The following TPD52L2 variants were observed in gnomAD, a reference collection of about 807,000 sequenced individuals.
TPD52L2 encodes TPD52 like 2, also known as tumor protein D54.
In TPD52L2, 19 loss-of-function variants were observed where a neutral mutation model predicts 24.7. That is an observed-to-expected ratio of 0.77 (90% CI 0.54 to 1.13). The LOEUF (loss-of-function observed/expected upper bound fraction) is 1.13, where lower values mean the gene tolerates loss of function less well. Ranked by LOEUF, TPD52L2 falls within the 50% of genes most tolerant of loss-of-function variation. The pLI is 0.00. For synonymous variants in TPD52L2, 104 were observed against 100.2 expected (o/e 1.04, Z -0.23); for missense variants, 236 against 250.4 (o/e 0.94, Z 0.39).
At chr20:63,887,196 T>G in intron 5 of TPD52L2, 6 of 369,722 alleles carry the variant, frequency 1.6e-5, no homozygotes, top group Middle Eastern at 8.9e-4. Context: ...CAATCTGTGA[T>G]TTCTTGTGTT....
rs1210657192 is a variant in TPD52L2, at chr20:63,869,067, C to T, written c.20-229C>T. Among the ~76,000 whole-genome samples, 4 of 152,178 alleles carry T rather than the reference C, an allele frequency of 2.6e-5. 1 individual carries two copies. Among genetic ancestry groups the T allele is most frequent in the Non-Finnish European group, 5.9e-5 (4 of 68,038 alleles). Reference sequence around the variant, plus strand: ...TTGCCTGCCTTGGGCCGGCATTTGTCGTGCCCTGAAGCAGCACAAGTGGCA... The same window carrying T: ...TTGCCTGCCTTGGGCCGGCATTTGTTGTGCCCTGAAGCAGCACAAGTGGCA... On this transcript the variant is annotated intron_variant, in intron 1 of 6. Coordinates refer to ENST00000346249, the MANE Select transcript of TPD52L2 (RefSeq NM_003288.4).
intron 4 of TPD52L2, among the ~76,000 whole-genome samples, chr20:63,881,316 C>A (rs1372361073): frequency 1.3e-5 from 2 of 151,170 alleles, no homozygotes; most frequent in Non-Finnish European, 2.9e-5. Context: ...GCTGAAATTG[C>A]ACCACTGCCC....
chr20:63,869,458 G>A lies in TPD52L2; in HGVS notation c.165+17G>A, dbSNP rs375514961. On this transcript the variant is annotated intron_variant, in intron 2 of 6. Transcript: ENST00000346249. ...CTTACCAAGGTGCTGTGGCTTGGCTGTCTGTCCTGGGGTGAATTGGAGTTA... is the reference window on the plus strand; with the variant it reads ...CTTACCAAGGTGCTGTGGCTTGGCTATCTGTCCTGGGGTGAATTGGAGTTA... The A allele has an allele frequency of 8.1e-6, 13 of 1,613,460 alleles. No individual in the cohort carries two copies. The African/African-American group carries it at 1.6e-4, about 20-fold the overall frequency.
intron 2 of TPD52L2, among the ~76,000 whole-genome samples, chr20:63,871,431 C>T (rs909043172): frequency 4.0e-5 from 6 of 151,868 alleles, no homozygotes; most frequent in African/African-American, 1.5e-4. Context: ...CTCACTGCAG[C>T]CTCCACCTCC....
intron 5 of TPD52L2, chr20:63,885,988 C>T (rs1047296628): frequency 1.2e-6 from 2 of 1,614,020 alleles, no homozygotes; most frequent in Admixed American, 1.7e-5. Context: ...CACTTCGTTT[C>T]CTCTTCTCTC....
Position 63,889,984 on chromosome 20 carries a change from C to T in TPD52L2, c.*39C>T, listed in dbSNP as rs753738975. On this transcript the variant is annotated 3_prime_UTR_variant, in exon 7 of 7. Transcript: ENST00000346249. ...TCACCCGCTGCAGAGCACACGCAACCCAGCCTCAGCATCACAGCCGCAGCT... is the reference window on the plus strand; with the variant it reads ...TCACCCGCTGCAGAGCACACGCAACTCAGCCTCAGCATCACAGCCGCAGCT... 1 of 1,612,122 alleles carries T rather than the reference C, an allele frequency of 6.2e-7. No homozygotes were observed.
intron 1 of TPD52L2, 48 bp downstream of exon 1, chr20:63,865,432 C>T (rs1176712410): frequency 6.7e-7 from 1 of 1,500,160 alleles, no homozygotes; most frequent in South Asian, 1.2e-5. Flanking sequence ...CCAGGCTGCC[C>T]GTTGTTCTCC....
At chr20:63,886,391 T>A (rs4809242) in intron 5 of TPD52L2, among the ~76,000 whole-genome samples, 2 of 151,530 alleles carry the variant, frequency 1.3e-5, no homozygotes, top group African/African-American at 4.8e-5. Context: ...GACGGAGTCT[T>A]GCTCTGTCGC....
At chr20:63,884,814 A>G (rs1346432346) in intron 5 of TPD52L2, among the ~76,000 whole-genome samples, 1 of 152,094 alleles carries the variant, frequency 6.6e-6, no homozygotes, top group Non-Finnish European at 1.5e-5. Flanking sequence ...GCGGGGCCTC[A>G]GGCTGACCTG....
intron 4 of TPD52L2, among the ~76,000 whole-genome samples, chr20:63,878,605 G>A (rs1455326031): frequency 6.6e-6 from 1 of 152,204 alleles, no homozygotes; most frequent in East Asian, 1.9e-4. Flanking sequence ...TGCGGCCTTG[G>A]AGGTGGTGTG....
chr20:63,875,156 T>A (rs868074484), intron 3 of TPD52L2, among the ~76,000 whole-genome samples: 233 of 146,570 alleles, frequency 1.6e-3, no homozygotes, highest in African/African-American at 2.9e-3. Context: ...AAAAAAAATA[T>A]ATATATATAT....
At chr20:63,871,822 C>T (rs1207181343) in intron 2 of TPD52L2, among the ~76,000 whole-genome samples, 5 of 151,904 alleles carry the variant, frequency 3.3e-5, no homozygotes, top group South Asian at 2.1e-4. Flanking sequence ...TTGGTAGAGA[C>T]GGCCTTTCAT....
At chr20:63,879,536 C>T (rs1175226608) in intron 4 of TPD52L2, among the ~76,000 whole-genome samples, 1 of 152,196 alleles carries the variant, frequency 6.6e-6, no homozygotes, top group Non-Finnish European at 1.5e-5. Flanking sequence ...CGGGCACAGG[C>T]GGTTGTTTTC....
intron 2 of TPD52L2, among the ~76,000 whole-genome samples, chr20:63,872,189 C>A (rs2052493636): frequency 6.6e-6 from 1 of 151,966 alleles, no homozygotes; most frequent in Admixed American, 6.6e-5. Context: ...AGGTTTGGAA[C>A]TGACCTCAGG....
At chr20:63,885,611 C>G (rs945732514) in intron 5 of TPD52L2, among the ~76,000 whole-genome samples, 1 of 152,246 alleles carries the variant, frequency 6.6e-6, no homozygotes, top group Non-Finnish European at 1.5e-5. Context: ...GCTGGCCAAG[C>G]CCAGCTGTCA....
At chr20:63,887,542 C>A in intron 5 of TPD52L2, 3 of 1,613,312 alleles carry the variant, frequency 1.9e-6, no homozygotes, top group Non-Finnish European at 1.7e-6. Flanking sequence ...TCCTTCTCTG[C>A]TTCTGCCATG....
intron 4 of TPD52L2, among the ~76,000 whole-genome samples, chr20:63,879,291 C>A (rs1057265260): frequency 6.6e-6 from 1 of 152,178 alleles, no homozygotes; most frequent in Non-Finnish European, 1.5e-5. Flanking sequence ...GCTGTGGGGC[C>A]CCCAGGGGCT....
chr20:63,869,246 C>T (rs777571199), intron 1 of TPD52L2, 50 bp from the exon 2 acceptor site: 3 of 1,609,030 alleles, frequency 1.9e-6, no homozygotes, highest in Non-Finnish European at 2.6e-6. Flanking sequence ...ACCGTATTTA[C>T]TTGGAACTAA....
Position 63,877,032 on chromosome 20 carries a change from G to A in TPD52L2, c.374+1157G>A. On this transcript the variant is annotated intron_variant, in intron 4 of 6. Coordinates refer to ENST00000346249, the MANE Select transcript of TPD52L2 (RefSeq NM_003288.4). This position sits in a 1 kb window ranked among gnomAD's most constrained non-coding sequence, Gnocchi z 4.1. Reference sequence around the variant, plus strand: ...TGCCCTGGGTTTTTTTTGTTTGTTTGGTTTTTTTTTTGAGACAACGTCTCG... The same window carrying A: ...TGCCCTGGGTTTTTTTTGTTTGTTTAGTTTTTTTTTTGAGACAACGTCTCG... 1 of 443,354 alleles carries A rather than the reference G, an allele frequency of 2.3e-6. No homozygotes were observed. The highest frequency in any genetic ancestry group is 4.5e-6 in the Non-Finnish European group (1 of 223,940). The allele number at this position is 443,354 out of a possible 1,614,324, so 27.5% of individuals were successfully genotyped here.
Sources: allele counts gnomAD v4.1 joint callset (sites outside exome capture counted in the v4.1 genomes callset), GRCh38; gene constraint gnomAD v4.1.1; non-coding constraint Gnocchi (gnomAD v3.1); transcripts MANE v1.5; gene names NCBI Gene and HGNC (gene_info 2026-07-23, HGNC 2026-07-21).